The following TENM2 variants were observed in gnomAD, a reference collection of about 807,000 sequenced individuals.
The protein encoded by TENM2 is teneurin transmembrane protein 2.
Under a neutral mutation model 245.2 loss-of-function variants are expected in TENM2, and 52 were observed. That is an observed-to-expected ratio of 0.21 (90% CI 0.17 to 0.27). The LOEUF is 0.27. Ranked by LOEUF, TENM2 falls within the 10% of genes least tolerant of loss-of-function variation. TENM2 has a pLI of 1.00. For missense variants in TENM2, 3,046 were observed against 3,666.8 expected, an observed-to-expected ratio of 0.83 and a Z score of 4.37; for synonymous variants, 1,363 against 1,438.9, an observed-to-expected ratio of 0.95 and a Z score of 1.19.
chr5:167,582,415 A>G (rs1013189447), intron 2 of TENM2, among the ~76,000 whole-genome samples: 3 of 152,182 alleles, frequency 2.0e-5, no homozygotes, highest in Admixed American at 1.3e-4. Flanking sequence ...ATAATCACCT[A>G]TCCTATGTGA....
chr5:167,899,249 G>A (rs564626987), intron 3 of TENM2, among the ~76,000 whole-genome samples: 8 of 152,282 alleles, frequency 5.3e-5, no homozygotes, highest in African/African-American at 1.9e-4. Context: ...AGAGTTAGGA[G>A]AAGAGTCACG....
At chr5:168,023,782 G>A (rs374293153) in intron 5 of TENM2, among the ~76,000 whole-genome samples, 5 of 152,124 alleles carry the variant, frequency 3.3e-5, no homozygotes, top group South Asian at 2.1e-4. Context: ...ATGACATCCC[G>A]GAGGGTGCTC....
intron 1 of TENM2, among the ~76,000 whole-genome samples, chr5:167,367,624 T>C (rs1330204836): frequency 6.6e-6 from 1 of 152,154 alleles, no homozygotes; most frequent in Non-Finnish European, 1.5e-5. Flanking sequence ...TCATTAAATA[T>C]GTAAATATGT....
intron 4 of TENM2, among the ~76,000 whole-genome samples, chr5:167,976,748 T>C (rs1339069564): frequency 2.0e-5 from 3 of 152,232 alleles, no homozygotes; most frequent in Non-Finnish European, 4.4e-5. Context: ...TAAGTACTGT[T>C]TATAATACAG....
the TENM2 span, among the ~76,000 whole-genome samples, chr5:167,196,677 G>C: frequency 6.6e-6 from 1 of 151,058 alleles, no homozygotes; most frequent in Non-Finnish European, 1.5e-5. Context: ...ACCAACTATG[G>C]ACTGAAAATA....
chr5:167,923,603 G>A (rs1486132584), intron 3 of TENM2, among the ~76,000 whole-genome samples: 1 of 152,166 alleles, frequency 6.6e-6, no homozygotes. Context: ...TCCTAGTCAT[G>A]TCTGGTCTGC....
At chr5:167,776,201 C>T (rs1440203591) in intron 2 of TENM2, among the ~76,000 whole-genome samples, 1 of 59,474 alleles carries the variant, frequency 1.7e-5, no homozygotes, top group East Asian at 5.3e-4. Flanking sequence ...AGAAGAGAAG[C>T]ATTCTTATCC....
chr5:167,607,323 A>G (rs549488522), intron 2 of TENM2, among the ~76,000 whole-genome samples: 130 of 152,272 alleles, frequency 8.5e-4, no homozygotes, highest in South Asian at 1.5e-3. Context: ...GCGCTGCTCG[A>G]TCATTGAGTT....
intron 2 of TENM2, among the ~76,000 whole-genome samples, chr5:167,558,173 T>A (rs1441567487): frequency 6.6e-6 from 1 of 152,188 alleles, no homozygotes; most frequent in Non-Finnish European, 1.5e-5. Context: ...CTCCAGCCTG[T>A]GCCTGGTCTG....
At chr5:167,346,855 C>A (rs1178868018) in intron 1 of TENM2, among the ~76,000 whole-genome samples, 1 of 152,092 alleles carries the variant, frequency 6.6e-6, no homozygotes, top group Non-Finnish European at 1.5e-5. Flanking sequence ...CTTTCTGCAG[C>A]CTTGACCTCC....
chr5:167,792,593 G>A (rs1765056032), intron 2 of TENM2, among the ~76,000 whole-genome samples: 1 of 152,056 alleles, frequency 6.6e-6, no homozygotes, highest in Non-Finnish European at 1.5e-5. Flanking sequence ...GCCACAAAGA[G>A]CAGTTGTGTA....
At chr5:168,036,634 C>CA (rs201087090) in intron 5 of TENM2, among the ~76,000 whole-genome samples, 761 of 60,550 alleles carry the variant, frequency 0.013, 13 homozygotes, top group Non-Finnish European at 0.017. Context: ...GAAACTCCAT[C>CA]AAAAAAAAAA....
chr5:167,138,306 T>C, the TENM2 span, among the ~76,000 whole-genome samples: 31 of 152,318 alleles, frequency 2.0e-4, no homozygotes, highest in South Asian at 2.5e-3. Context: ...AAGAAGATCA[T>C]GAATATGTTT....
intron 9 of TENM2, among the ~76,000 whole-genome samples, chr5:168,116,981 A>C (rs962187927): frequency 1.3e-5 from 2 of 152,216 alleles, no homozygotes; most frequent in Admixed American, 1.3e-4. Context: ...CCATAGCCGG[A>C]GGATTTTAGG....
chr5:168,126,851 G>C (rs1470843505), exon 12 of TENM2: 3 of 1,610,806 alleles, frequency 1.9e-6, no homozygotes, highest in Non-Finnish European at 2.5e-6. Flanking sequence ...ACCAGCGCGT[G>C]TGCCACCCCC....
chr5:167,024,667 GA>G, the TENM2 span, among the ~76,000 whole-genome samples: 1 of 152,126 alleles, frequency 6.6e-6, no homozygotes, highest in Non-Finnish European at 1.5e-5. Flanking sequence ...CTAAAGGTGG[GA>G]CTAGCTTGGC....
chr5:167,518,698 A>G (rs1240080040), intron 2 of TENM2, among the ~76,000 whole-genome samples: 2 of 152,156 alleles, frequency 1.3e-5, no homozygotes, highest in Admixed American at 6.6e-5. Context: ...CTGAGTTATC[A>G]GTCCGGAGTC....
the TENM2 span, among the ~76,000 whole-genome samples, chr5:167,006,088 G>A: frequency 3.3e-5 from 5 of 151,972 alleles, no homozygotes; most frequent in Admixed American, 2.0e-4. Flanking sequence ...ATCCCAAAAC[G>A]CCTGCAGTTT....
At chr5:167,633,463 C>T (rs1779000587) in intron 2 of TENM2, among the ~76,000 whole-genome samples, 1 of 152,076 alleles carries the variant, frequency 6.6e-6, no homozygotes, top group Admixed American at 6.5e-5. Flanking sequence ...TTTCAGAAGA[C>T]ATTCAGGGAT....
Sources: gnomAD v4.1 joint callset for allele counts (sites outside exome capture counted in the v4.1 genomes callset) on GRCh38, gnomAD v4.1.1 for gene constraint, MANE v1.5 for transcripts, NCBI Gene and HGNC (gene_info 2026-07-23, HGNC 2026-07-21) for gene names.